MREG: variants seen among roughly 807,000 people sequenced by gnomAD.
The protein encoded by MREG is melanoregulin.
A neutral mutation model predicts 28.5 loss-of-function variants in MREG; 31 were observed. That is an observed-to-expected ratio of 1.09 (90% CI 0.82 to 1.47). MREG has a LOEUF of 1.47. Ranked by LOEUF, MREG falls within the 40% of genes most tolerant of loss-of-function variation. The pLI is 0.00. For missense variants in MREG, 256 were observed against 257.4 expected, an observed-to-expected ratio of 0.99 and a Z score of 0.04; for synonymous variants, 106 against 95.2, an observed-to-expected ratio of 1.11 and a Z score of -0.66.
At chr2:216,004,552 CA>C (rs1458212813) in intron 1 of MREG, among the ~76,000 whole-genome samples, 8 of 100,166 alleles carry the variant, frequency 8.0e-5, no homozygotes, top group African/African-American at 3.1e-4. Context: ...TCAAAAAAAA[CA>C]AAAAAACAAA....
At chr2:215,949,199 G>T (rs1479572853) in intron 2 of MREG, among the ~76,000 whole-genome samples, 4 of 151,410 alleles carry the variant, frequency 2.6e-5, no homozygotes, top group Non-Finnish European at 4.4e-5. Context: ...GGAGGCAGAG[G>T]TTGCAGTGCG....
intron 2 of MREG, among the ~76,000 whole-genome samples, chr2:215,954,483 C>CACACACACACAA (rs3220063): frequency 1.3e-5 from 2 of 150,904 alleles, no homozygotes; most frequent in African/African-American, 2.4e-5. Context: ...CACACACACA[C>CACACACACACAA]AAAACAACCA....
At chr2:215,995,479 G>C (rs1193388927) in intron 2 of MREG, among the ~76,000 whole-genome samples, 1 of 151,270 alleles carries the variant, frequency 6.6e-6, no homozygotes, top group Non-Finnish European at 1.5e-5. Context: ...TTAAGGAAAA[G>C]ACAAGCTCCA....
intron 2 of MREG, among the ~76,000 whole-genome samples, chr2:215,949,080 ACTAC>A (rs1559173536): frequency 0.021 from 2,391 of 116,018 alleles, 54 homozygotes; most frequent in African/African-American, 0.058. Context: ...TACTACTACT[ACTAC>A]TACTAATAAT....
At chr2:215,969,877 C>A (rs554421086) in intron 2 of MREG, among the ~76,000 whole-genome samples, 1 of 151,984 alleles carries the variant, frequency 6.6e-6, no homozygotes, top group Non-Finnish European at 1.5e-5. Flanking sequence ...TGGGAGTTAG[C>A]GGGTTCAGAG....
intron 1 of MREG, among the ~76,000 whole-genome samples, chr2:216,031,843 G>A (rs767638470): frequency 6.6e-6 from 1 of 152,086 alleles, no homozygotes; most frequent in African/African-American, 2.4e-5. Context: ...GCTAAATCTC[G>A]CAGCAAGTCT....
At chr2:215,988,973 A>G (rs13401521) in intron 2 of MREG, among the ~76,000 whole-genome samples, 49,938 of 152,154 alleles carry the variant, frequency 0.33, 9,949 homozygotes, top group East Asian at 0.43. Flanking sequence ...CAGCTTCAGC[A>G]GACTTAAATG....
Position 215,996,439 on chromosome 2 carries a change from C to G in MREG, c.122G>C (p.Gly41Ala). Residue 41 changes from glycine to alanine, a missense_variant, in exon 2 of 5, where the codon GGA becomes GCA. By Grantham distance (60) the Gly-to-Ala change is moderately conservative (BLOSUM62 0). Coordinates refer to ENST00000263268, the MANE Select transcript of MREG (RefSeq NM_018000.3). ...VSDNNPYSSF[G>A]ATLVRDDEKN... Reference sequence around the variant, plus strand: ...CTCATCATCCCTCACCAGAGTTGCTCCAAATGAGGAATATGGATTGTTATC... The same window carrying G: ...CTCATCATCCCTCACCAGAGTTGCTGCAAATGAGGAATATGGATTGTTATC... The G allele has an allele frequency of 6.2e-7, 1 of 1,612,404 alleles. No individual in the cohort carries two copies. Among genetic ancestry groups the G allele is most frequent in the African/African-American group, 1.3e-5 (1 of 74,882 alleles).
chr2:216,019,598 G>T (rs151070174), intron 1 of MREG, among the ~76,000 whole-genome samples: 1 of 151,588 alleles, frequency 6.6e-6, no homozygotes, highest in Admixed American at 6.6e-5. Context: ...TCCACCTCCA[G>T]GGTTCACACC....
At chr2:216,029,633 A>G (rs1694649154) in intron 1 of MREG, among the ~76,000 whole-genome samples, 1 of 152,244 alleles carries the variant, frequency 6.6e-6, no homozygotes, top group African/African-American at 2.4e-5. Context: ...AGTTCTCAAA[A>G]TACAAGGATG....
chr2:216,022,480 T>C lies in MREG; in HGVS notation c.-68+10309A>G, dbSNP rs147300070. ...CTATGTTGTCATCTCTAGTCTCCCA[T>C]AGTTAATTATACTGCTACGTCTAAC... On this transcript the variant is annotated intron_variant, in intron 1 of 3. Transcript: ENST00000420348. Among the ~76,000 whole-genome samples the C allele has an allele frequency of 3.9e-5, 6 of 152,314 alleles. No homozygotes were observed. The East Asian group carries it at 9.6e-4, about 24-fold the overall frequency.
At chr2:215,971,361 T>A (rs746037869) in intron 2 of MREG, among the ~76,000 whole-genome samples, 1 of 151,948 alleles carries the variant, frequency 6.6e-6, no homozygotes, top group Non-Finnish European at 1.5e-5. Context: ...GAGGTAGGAG[T>A]TCAATAGAAA....
intron 2 of MREG, among the ~76,000 whole-genome samples, chr2:215,990,605 T>C (rs1693696457): frequency 6.6e-6 from 1 of 152,276 alleles, no homozygotes; most frequent in African/African-American, 2.4e-5. Flanking sequence ...ACTGGCAAAT[T>C]GGATAAAGAG....
Position 215,996,424 on chromosome 2 carries a change from C to T in MREG, c.137G>A (p.Arg46Lys), listed in dbSNP as rs780383036. The change falls in exon 2 of 5, where the codon AGG becomes AAG. Residue 46 changes from arginine to lysine, a missense_variant. Arg to Lys is a conservative substitution (Grantham distance 26, BLOSUM62 2). Transcript: ENST00000263268. Reference sequence around the variant, plus strand: ...ACTCCATAAATTCTTCTCATCATCCCTCACCAGAGTTGCTCCAAATGAGGA... The same window carrying T: ...ACTCCATAAATTCTTCTCATCATCCTTCACCAGAGTTGCTCCAAATGAGGA... ...PYSSFGATLV[R>K]DDEKNLWSMP... The T allele has an allele frequency of 1.2e-6, 2 of 1,613,636 alleles. No individual in the cohort carries two copies. The highest frequency in any genetic ancestry group is 1.7e-6 in the Non-Finnish European group (2 of 1,179,760).
At position 215,943,366 on chromosome 2, in the gene MREG, C is replaced by G. The variant is rs1470741316; in HGVS notation, c.*1497G>C. 2.2e-6 allele frequency: 1 copy of G among 456,388 alleles called. No homozygotes were observed. Among genetic ancestry groups the G allele is most frequent in the Non-Finnish European group, 4.4e-6 (1 of 226,864 alleles). 28.3% of individuals were successfully genotyped at this position (456,388 alleles called of 1,614,324 possible). On this transcript the variant is annotated 3_prime_UTR_variant, in exon 5 of 5. Transcript: ENST00000263268. ...AGCATTGCTCCCTTTTGAAAATTAT[C>G]TTCTGAAGAGAAGAAGGTCCAGCAA...
intron 1 of MREG, among the ~76,000 whole-genome samples, chr2:216,006,087 G>A (rs191571243): frequency 4.9e-4 from 74 of 152,294 alleles, no homozygotes; most frequent in Middle Eastern, 3.4e-3. Flanking sequence ...TTAAACATAG[G>A]TGGTGTAGTG....
chr2:216,031,832 A>G (rs1004019520), intron 1 of MREG, among the ~76,000 whole-genome samples: 2 of 152,224 alleles, frequency 1.3e-5, no homozygotes, highest in Non-Finnish European at 2.9e-5. Context: ...AATGTCTCAC[A>G]GCTAAATCTC....
intron 1 of MREG, among the ~76,000 whole-genome samples, chr2:216,005,351 A>G (rs1178528813): frequency 6.6e-6 from 1 of 151,978 alleles, no homozygotes; most frequent in African/African-American, 2.4e-5. Context: ...GGAAAGCTAG[A>G]AGTCTAGACA....
rs185680786 is a variant in MREG at position 215,991,245 on chromosome 2, A to C, written c.255+5061T>G. 2.5e-3 allele frequency among the ~76,000 whole-genome samples: 376 copies of C among 152,336 alleles called. 1 individual carries two copies. Among genetic ancestry groups the C allele is most frequent in the African/African-American group, 8.3e-3 (346 of 41,566 alleles). On this transcript the variant is annotated intron_variant, in intron 2 of 4. Coordinates refer to ENST00000263268, the MANE Select transcript of MREG (RefSeq NM_018000.3). The stretch of plus-strand genomic sequence containing the variant: ...ACTCAGGATTAAGAAACTCACTGAA[A>C]ACCACAAAACTACATGGAAACTGAA...
Sources: allele counts gnomAD v4.1 joint callset (sites outside exome capture counted in the v4.1 genomes callset), GRCh38; gene constraint gnomAD v4.1.1; transcripts MANE v1.5; gene names NCBI Gene and HGNC (gene_info 2026-07-23, HGNC 2026-07-21).